Variants in LDB3 observed in about 807,000 individuals in gnomAD.
The protein encoded by LDB3 is LIM domain binding 3.
A neutral mutation model predicts 69.0 loss-of-function variants in LDB3; 49 were observed. That is an observed-to-expected ratio of 0.71 (90% CI 0.56 to 0.90). The LOEUF (loss-of-function observed/expected upper bound fraction) is 0.90. Among genes scored for constraint, LDB3 ranks in the 40% least tolerant of loss-of-function variants. The pLI, the probability that LDB3 is intolerant of heterozygous loss-of-function variation, is 0.00. For missense variants in LDB3, 928 were observed against 974.1 expected (o/e 0.95, Z 0.63); for synonymous variants, 387 against 396.2 (o/e 0.98, Z 0.28).
intron 7 of LDB3, among the ~76,000 whole-genome samples, chr10:86,696,983 C>A (rs371331165): frequency 1.3e-5 from 2 of 152,094 alleles, no homozygotes; most frequent in Non-Finnish European, 2.9e-5. Flanking sequence ...AGCAGTGGGT[C>A]CCTTTTGTCA....
In LDB3 at chr10:86,735,679, G is replaced by A. The variant is rs1271647828; in HGVS notation, c.*2703G>A. On this transcript the variant is annotated 3_prime_UTR_variant, in exon 14 of 14. Transcript: ENST00000361373. Reference sequence around the variant, plus strand: ...GCCTGTAGTTCCAGCTACTTGGGAGGCTGAGGCAGGAATCTCCTGAATCCT... The same window carrying A: ...GCCTGTAGTTCCAGCTACTTGGGAGACTGAGGCAGGAATCTCCTGAATCCT... The A allele has an allele frequency of 6.6e-6, 1 of 151,416 alleles. No individual in the cohort carries two copies. The highest frequency in any genetic ancestry group is 2.4e-5 in the African/African-American group (1 of 41,100). 9.4% of individuals were successfully genotyped at this position (151,416 alleles called of 1,614,324 possible).
At chr10:86,680,302 A>G in intron 4 of LDB3, 145 bp downstream of exon 4, 1 of 742,192 alleles carries the variant, frequency 1.3e-6, no homozygotes, top group Non-Finnish European at 2.3e-6. Flanking sequence ...GCTGCAGCTG[A>G]CCCTGGGGAA....
intron 2 of LDB3, among the ~76,000 whole-genome samples, chr10:86,677,271 G>A (rs1259006976): frequency 6.6e-6 from 1 of 152,174 alleles, no homozygotes; most frequent in Non-Finnish European, 1.5e-5. Context: ...GATATTAGCA[G>A]GGGCCAGCCC....
chr10:86,720,358 C>T (rs1847033275), intron 12 of LDB3, among the ~76,000 whole-genome samples: 1 of 151,830 alleles, frequency 6.6e-6, no homozygotes, highest in Non-Finnish European at 1.5e-5. Context: ...GTTGAAGAAT[C>T]GCTTGAACCC....
At chr10:86,670,721 C>T (rs1018922834) in intron 2 of LDB3, among the ~76,000 whole-genome samples, 1 of 152,210 alleles carries the variant, frequency 6.6e-6, no homozygotes, top group African/African-American at 2.4e-5. Flanking sequence ...AAAAATAGAA[C>T]CCGAAGCTCG....
intron 5 of LDB3, chr10:86,685,610 G>A (rs1845423907): frequency 6.5e-7 from 1 of 1,533,556 alleles, no homozygotes; most frequent in Non-Finnish European, 9.0e-7. Context: ...GATGGCCCCG[G>A]CGCTCAAACT....
rs749293288 is a variant in LDB3, at chr10:86,732,978, C to T, written c.*2C>T. On this transcript the variant is annotated 3_prime_UTR_variant, in exon 14 of 14. Coordinates refer to ENST00000361373, the MANE Select transcript of LDB3 (RefSeq NM_007078.3). The stretch of plus-strand genomic sequence containing the variant: ...CACGCACACACCATCAACTTGTAGG[C>T]GGCCAAGGCCGCCTGTGCTGACGAG... 2.5e-5 allele frequency: 40 copies of T among 1,610,190 alleles called. No homozygotes were observed. The highest frequency in any genetic ancestry group is 2.7e-5 in the Non-Finnish European group (32 of 1,177,476).
At chr10:86,714,868 T>C (rs909671140) in intron 9 of LDB3, among the ~76,000 whole-genome samples, 1 of 152,218 alleles carries the variant, frequency 6.6e-6, no homozygotes, top group Admixed American at 6.5e-5. Flanking sequence ...GTATTATCTT[T>C]TGAAGGCCTC....
intron 4 of LDB3, among the ~76,000 whole-genome samples, chr10:86,680,555 C>G (rs932825725): frequency 6.6e-6 from 1 of 152,218 alleles, no homozygotes; most frequent in Non-Finnish European, 1.5e-5. Flanking sequence ...TGAGGCCCAG[C>G]TTGACGAGGA....
intron 9 of LDB3, among the ~76,000 whole-genome samples, chr10:86,710,551 C>G (rs546803523): frequency 6.6e-5 from 10 of 152,352 alleles, no homozygotes; most frequent in African/African-American, 2.4e-4. Context: ...CCATTGCACT[C>G]CAGCCTGGGC....
At position 86,733,892 on chromosome 10, in the gene LDB3, T is replaced by G. The variant is rs1847552249; in HGVS notation, c.*916T>G. 1.3e-5 allele frequency: 2 copies of G among 152,240 alleles called. No individual in the cohort carries two copies. Among genetic ancestry groups the G allele is most frequent in the Non-Finnish European group, 1.5e-5 (1 of 68,054 alleles). The allele number at this position is 152,240 out of a possible 1,614,324, so 9.4% of individuals were successfully genotyped here. The stretch of plus-strand genomic sequence containing the variant: ...CATGAATTTCACCCCAACTTGTGAC[T>G]GCTCACTTATGACGTCTCCCCCAGT... On this transcript the variant is annotated 3_prime_UTR_variant, in exon 14 of 14. Transcript: ENST00000361373.
intron 8 of LDB3, among the ~76,000 whole-genome samples, chr10:86,709,510 G>A (rs146041727): frequency 3.3e-5 from 5 of 152,316 alleles, no homozygotes; most frequent in Non-Finnish European, 5.9e-5. Context: ...AGGGTAGGCA[G>A]AAGAGGCCAG....
chr10:86,683,557 G>T (rs1312503326), intron 5 of LDB3, among the ~76,000 whole-genome samples: 1 of 152,248 alleles, frequency 6.6e-6, no homozygotes, highest in African/African-American at 2.4e-5. Flanking sequence ...TGCAGGGGCT[G>T]CCCAGACCCT....
rs1846598926 is a variant in LDB3, at chr10:86,710,310, C to T, written c.1231+260C>T. 1.5e-5 allele frequency: 14 copies of T among 956,972 alleles called. No homozygotes were observed. The South Asian group carries it at 6.3e-4, about 43-fold the overall frequency. 59.3% of individuals were successfully genotyped at this position (956,972 alleles called of 1,614,324 possible). A position where few individuals can be genotyped will look rare whatever the true frequency, so the allele number is the denominator to read the frequency against. On this transcript the variant is annotated intron_variant, in intron 9 of 13. Coordinates refer to ENST00000361373, the MANE Select transcript of LDB3 (RefSeq NM_007078.3). ...GGAGAGCAGAGAAGTCTTCTCCGGA[C>T]CGGGCATGGTGGCTCACACTTGGAA... is the stretch of plus-strand genomic sequence containing the variant.
intron 8 of LDB3, among the ~76,000 whole-genome samples, chr10:86,709,342 G>C (rs1339306061): frequency 1.3e-5 from 2 of 152,132 alleles, no homozygotes; most frequent in African/African-American, 4.8e-5. Flanking sequence ...GTTGGAGGAG[G>C]GCAACAGGAA....
chr10:86,668,619 G>C, intron 1 of LDB3, 49 bp downstream of exon 1: 8 of 1,174,654 alleles, frequency 6.8e-6, no homozygotes, highest in Non-Finnish European at 1.0e-5. Flanking sequence ...CCGGGCAGGC[G>C]GAGTGCCTGA....
chr10:86,666,829 G>A (rs965742851), upstream of LDB3: 1 of 470,582 alleles, frequency 2.1e-6, no homozygotes, highest in Non-Finnish European at 4.4e-6. Context: ...AGAGGCCAGA[G>A]AGACAGCGTG....
intron 7 of LDB3, among the ~76,000 whole-genome samples, chr10:86,693,280 T>C (rs1488081975): frequency 6.6e-6 from 1 of 152,172 alleles, no homozygotes; most frequent in African/African-American, 2.4e-5. Flanking sequence ...CGCTGGGGCC[T>C]TCCATGGTAA....
upstream of LDB3, chr10:86,668,331 C>A: frequency 2.7e-6 from 1 of 364,132 alleles, no homozygotes; most frequent in Non-Finnish European, 5.3e-6. Flanking sequence ...GCCAGTTCCC[C>A]TTCCTCCCCC....
Sources: allele counts gnomAD v4.1 joint callset (sites outside exome capture counted in the v4.1 genomes callset), GRCh38; gene constraint gnomAD v4.1.1; transcripts MANE v1.5; gene names NCBI Gene and HGNC (gene_info 2026-07-23, HGNC 2026-07-21).